The following NHS variants were observed in gnomAD, a reference collection of about 807,000 sequenced individuals.
NHS encodes actin remodeling regulator NHS.
NHS carries 5 observed loss-of-function variants against 72.5 expected under a neutral mutation model. The ratio of observed to expected loss-of-function variants is 0.07; its 90% CI spans 0.04 to 0.14. The LOEUF (loss-of-function observed/expected upper bound fraction) is 0.14. NHS is among the 10% of genes least tolerant of loss of function. NHS has a pLI of 1.00. For synonymous variants in NHS, 464 were observed against 547.7 expected (o/e 0.85, Z 2.13); for missense variants, 1,072 against 1,355.7 (o/e 0.79, Z 3.29).
At chrX:17,520,568 T>G (rs2065143316) in intron 1 of NHS, among the ~76,000 whole-genome samples, 2 of 112,070 alleles carry the variant, frequency 1.8e-5, no homozygotes, top group African/African-American at 6.5e-5. Flanking sequence ...TCATGCTTAT[T>G]GTCATGTTAA....
rs185654869 is a variant in NHS, at chrX:17,595,889, A to G, written c.566-91853A>G. On this transcript the variant is annotated intron_variant, in intron 1 of 8. Transcript: ENST00000676302. The stretch of plus-strand genomic sequence containing the variant: ...GAGTGAATGTTAACTTGAGTCAAAC[A>G]GTTACTTGTGTTGGTTCTTTAATAG... Among the ~76,000 whole-genome samples the G allele has an allele frequency of 2.7e-5, 3 of 112,125 alleles. No individual in the cohort carries two copies. The East Asian group carries it at 8.4e-4, about 31-fold the overall frequency.
chrX:17,474,083 C>T (rs184963864), intron 1 of NHS, among the ~76,000 whole-genome samples: 80 of 111,523 alleles, frequency 7.2e-4, no homozygotes, highest in Admixed American at 3.6e-3. Flanking sequence ...CTCCCACCTT[C>T]CACCCTCAAG....
chrX:17,607,457 C>T (rs1175096921), intron 1 of NHS, among the ~76,000 whole-genome samples: 1 of 111,368 alleles, frequency 9.0e-6, no homozygotes, highest in African/African-American at 3.3e-5. Flanking sequence ...GAAGGGGAGA[C>T]TCAGGAATAG....
At position 17,411,093 on chromosome X, in the gene NHS, G is replaced by A. The variant is rs772101564; in HGVS notation, c.565+34771G>A. ...GTGATTTTGGCTAAGTATCATAAAA[G>A]GGTTATCCCAATGTTTTCAACGTGG... is the stretch of plus-strand genomic sequence containing the variant. On this transcript the variant is annotated intron_variant, in intron 1 of 8. Coordinates refer to ENST00000676302, the MANE Select transcript of NHS (RefSeq NM_001291867.2). Among the ~76,000 whole-genome samples the A allele has an allele frequency of 2.7e-5, 3 of 112,049 alleles. No homozygotes were observed. In the East Asian group the frequency reaches 8.4e-4, roughly 31 times the overall value.
Position 17,727,032 on chromosome X carries a change from G to A in NHS, c.2926G>A (p.Glu976Lys). ...CACCGCTACGGGTACCACAGTCATT[G>A]AATGCATCAAATCTCCAGAGAGCTC... ...SSTATGTTVI[E>K]CIKSPESSES... is the part of the protein sequence containing the mutation. Residue 976 changes from glutamate (E) to lysine (K), a missense_variant, in exon 7 of 9, where the codon GAA (glutamate) becomes AAA (lysine). Coordinates refer to ENST00000676302, the MANE Select transcript of NHS (RefSeq NM_001291867.2). 8.3e-7 allele frequency: 1 copy of A among 1,211,884 alleles called. No individual in the cohort carries two copies. Among genetic ancestry groups the A allele is most frequent in the Non-Finnish European group, 1.1e-6 (1 of 895,523 alleles).
At chrX:17,711,664 T>C in intron 3 of NHS, among the ~76,000 whole-genome samples, 1 of 111,803 alleles carries the variant, frequency 8.9e-6, no homozygotes, top group South Asian at 3.8e-4. Context: ...CATTCAAGCT[T>C]TGCTCACTAG....
chrX:17,512,976 T>C (rs964451163), intron 1 of NHS, among the ~76,000 whole-genome samples: 12 of 112,051 alleles, frequency 1.1e-4, no homozygotes, highest in African/African-American at 3.9e-4. Flanking sequence ...TTGGAGGCTC[T>C]GCACTCCAAG....
intron 1 of NHS, among the ~76,000 whole-genome samples, chrX:17,456,127 G>A (rs902156575): frequency 8.9e-6 from 1 of 111,841 alleles, no homozygotes; most frequent in Non-Finnish European, 1.9e-5. Context: ...GTAGAAAAAC[G>A]AATATAATAT....
intron 1 of NHS, among the ~76,000 whole-genome samples, chrX:17,623,122 A>T: frequency 9.0e-6 from 1 of 110,694 alleles, no homozygotes; most frequent in East Asian, 2.8e-4. Context: ...TGTATAATAG[A>T]AACGAGGGGT....
At chrX:17,576,132 A>T (rs2065509536) in intron 1 of NHS, among the ~76,000 whole-genome samples, 1 of 111,368 alleles carries the variant, frequency 9.0e-6, no homozygotes, top group Non-Finnish European at 1.9e-5. Flanking sequence ...CCTGAATAGC[A>T]CTTATAGAAT....
At chrX:17,420,314 C>G (rs1156519989) in intron 1 of NHS, among the ~76,000 whole-genome samples, 1 of 111,843 alleles carries the variant, frequency 8.9e-6, no homozygotes, top group Non-Finnish European at 1.9e-5. Flanking sequence ...GCTCATCCGT[C>G]CACCCCTGCA....
chrX:17,615,961 A>T (rs909978550), intron 1 of NHS, among the ~76,000 whole-genome samples: 1 of 111,713 alleles, frequency 9.0e-6, no homozygotes, highest in African/African-American at 3.3e-5. Flanking sequence ...CTTTAAAAAA[A>T]TAGTTAATTA....
At position 17,719,978 on chromosome X, in the gene NHS, TTCTC is replaced by T. The variant is rs761843999; in HGVS notation, c.915+588_915+591del. Among the ~76,000 whole-genome samples the T allele has an allele frequency of 1.2e-4, 13 of 108,039 alleles. No homozygotes were observed. The East Asian group carries it at 1.4e-3, about 12-fold the overall frequency. The allele number at this position is 108,039 out of a possible 115,157, so 93.8% of individuals were successfully genotyped here. On this transcript the variant is annotated intron_variant, in intron 4 of 8. Transcript: ENST00000676302. ...TTTCTCTCTCTCTCTCTCAATCAGT[TTCTC>T]TCTCTCTCTCTCTCTGTATGCACCA...
intron 1 of NHS, among the ~76,000 whole-genome samples, chrX:17,423,466 T>C (rs1242772892): frequency 9.0e-6 from 1 of 111,012 alleles, no homozygotes; most frequent in Non-Finnish European, 1.9e-5. Context: ...AATTAGAGAC[T>C]TGGAAGGGTT....
rs962859168 is a variant in NHS, at chrX:17,375,515, G to A, written c.-243G>A. On this transcript the variant is annotated 5_prime_UTR_variant, in exon 1 of 9. Transcript: ENST00000676302. ...ACCAGGCGCACCCCTAAATTTCTGT[G>A]CGGAGCGCTTGTCATCCTCCCCAGG... The A allele has an allele frequency of 4.3e-5, 18 of 414,039 alleles. No homozygotes were observed. The highest frequency in any genetic ancestry group is 6.7e-5 in the Non-Finnish European group (16 of 239,631). The allele number at this position is 414,039 out of a possible 1,213,427, so 34.1% of individuals were successfully genotyped here.
chrX:17,557,160 C>T (rs1384976362), intron 1 of NHS: 1 of 98,945 alleles, frequency 1.0e-5, no homozygotes, highest in East Asian at 3.3e-4. Context: ...TGTATTCAAG[C>T]TTTCTCTAAA....
At chrX:17,402,564 A>G (rs2064507588) in intron 1 of NHS, among the ~76,000 whole-genome samples, 1 of 112,316 alleles carries the variant, frequency 8.9e-6, no homozygotes, top group African/African-American at 3.2e-5. Context: ...ACACATTTGC[A>G]TGATCTTAAT....
chrX:17,538,030 C>T (rs1380679257), intron 1 of NHS, among the ~76,000 whole-genome samples: 1 of 111,905 alleles, frequency 8.9e-6, no homozygotes, highest in Non-Finnish European at 1.9e-5. Context: ...CCTCCAGTGC[C>T]CCCATCTTGC....
At position 17,713,649 on chromosome X, in the gene NHS, A is replaced by C. The variant is rs989184863; in HGVS notation, c.853-5695A>C. Among the ~76,000 whole-genome samples the C allele has an allele frequency of 2.7e-5, 3 of 111,821 alleles. No homozygotes were observed. In the South Asian group the frequency reaches 1.1e-3, roughly 42 times the overall value. On this transcript the variant is annotated intron_variant, in intron 3 of 8. Transcript: ENST00000676302. ...CCCATCAGCATATAAAATATAACTC[A>C]AAAGAAAGTAAAATATGGAGTGGAG...
Sources: gnomAD v4.1 joint callset for allele counts (sites outside exome capture counted in the v4.1 genomes callset) on GRCh38, gnomAD v4.1.1 for gene constraint, MANE v1.5 for transcripts, NCBI Gene and HGNC (gene_info 2026-07-23, HGNC 2026-07-21) for gene names.